The following MFHAS1 variants were observed in gnomAD, a reference collection of about 807,000 sequenced individuals.
MFHAS1 encodes malignant fibrous histiocytoma-amplified sequence 1.
MFHAS1 carries 50 observed loss-of-function variants against 70.4 expected under a neutral mutation model. The observed-to-expected ratio is 0.71, with a 90% CI of 0.57 to 0.90. MFHAS1 has a LOEUF of 0.90. MFHAS1 is among the 40% of genes least tolerant of loss of function. MFHAS1 has a pLI of 0.00. For synonymous variants in MFHAS1, 952 were observed against 620.0 expected, an observed-to-expected ratio of 1.54 and a Z score of -7.96; for missense variants, 1,795 against 1,347.6, an observed-to-expected ratio of 1.33 and a Z score of -5.20.
At chr8:8,818,908 A>G (rs991704376) in intron 1 of MFHAS1, among the ~76,000 whole-genome samples, 2 of 152,222 alleles carry the variant, frequency 1.3e-5, no homozygotes, top group African/African-American at 2.4e-5. Flanking sequence ...AAGGAAGTGT[A>G]TTATTTGTAG....
chr8:8,819,739 C>G (rs1348303950), intron 1 of MFHAS1, among the ~76,000 whole-genome samples: 1 of 152,102 alleles, frequency 6.6e-6, no homozygotes, highest in Non-Finnish European at 1.5e-5. Flanking sequence ...TTTTGAGTCA[C>G]CCAGGCTGGA....
At chr8:8,875,178 C>G (rs891050272) in intron 1 of MFHAS1, among the ~76,000 whole-genome samples, 1 of 152,114 alleles carries the variant, frequency 6.6e-6, no homozygotes, top group African/African-American at 2.4e-5. Context: ...GATTTAATGA[C>G]ATTTTTTGCC....
chr8:8,818,037 T>A (rs1806813222), intron 1 of MFHAS1, among the ~76,000 whole-genome samples: 2 of 152,086 alleles, frequency 1.3e-5, no homozygotes, highest in Admixed American at 6.6e-5. Context: ...CACCTATGCA[T>A]CCCATTATGG....
intron 1 of MFHAS1, among the ~76,000 whole-genome samples, chr8:8,811,622 G>A (rs895473652): frequency 2.6e-5 from 4 of 152,198 alleles, no homozygotes; most frequent in African/African-American, 9.7e-5. Flanking sequence ...TCCACCTGAC[G>A]CATACTAGCT....
intron 2 of MFHAS1, 32 bp from the exon 3 acceptor site, chr8:8,786,087 A>C (rs769014511): frequency 1.2e-6 from 2 of 1,605,346 alleles, no homozygotes; most frequent in Non-Finnish European, 1.7e-6. Context: ...AAGCACAGAG[A>C]TGACAAAAAC....
At chr8:8,798,650 T>C (rs1279840440) in intron 1 of MFHAS1, among the ~76,000 whole-genome samples, 1 of 152,064 alleles carries the variant, frequency 6.6e-6, no homozygotes, top group Non-Finnish European at 1.5e-5. Flanking sequence ...AGAAAGTCAA[T>C]TAACCAAATC....
Position 8,890,120 on chromosome 8 carries a change from A to G in MFHAS1, c.2939T>C (p.Val980Ala). 6.2e-7 allele frequency: 1 copy of G among 1,614,026 alleles called. No individual in the cohort carries two copies. The highest frequency in any genetic ancestry group is 8.5e-7 in the Non-Finnish European group (1 of 1,179,962). Residue 980 changes from valine (V) to alanine (A), a missense_variant, in exon 1 of 3, where the codon GTG (valine) becomes GCG (alanine). Coordinates refer to ENST00000276282, the MANE Select transcript of MFHAS1 (RefSeq NM_004225.3). ...LQEWPGLHYT[V>A]HILCSKCLKR... Reference sequence around the variant, plus strand: ...AAGGCACTTAGAACAGAGAATGTGCACGGTGTAGTGCAGTCCAGGCCATTC... The same window carrying G: ...AAGGCACTTAGAACAGAGAATGTGCGCGGTGTAGTGCAGTCCAGGCCATTC...
chr8:8,812,223 C>A (rs1002137916), intron 1 of MFHAS1, among the ~76,000 whole-genome samples: 44 of 152,182 alleles, frequency 2.9e-4, no homozygotes, highest in African/African-American at 1.0e-3. Flanking sequence ...AAATGGCTTC[C>A]TTTGAGGGGG....
At chr8:8,854,073 G>C (rs191923082) in intron 1 of MFHAS1, among the ~76,000 whole-genome samples, 1 of 152,120 alleles carries the variant, frequency 6.6e-6, no homozygotes, top group East Asian at 1.9e-4. Flanking sequence ...TGTAAGTCAT[G>C]GGCATTGTAT....
intron 1 of MFHAS1, among the ~76,000 whole-genome samples, chr8:8,829,441 G>A (rs552926304): frequency 3.3e-5 from 5 of 152,230 alleles, no homozygotes; most frequent in Non-Finnish European, 7.3e-5. Flanking sequence ...AGCACGTTGG[G>A]AGGCCTAGGT....
At chr8:8,857,532 G>C (rs553865523) in intron 1 of MFHAS1, among the ~76,000 whole-genome samples, 55 of 152,108 alleles carry the variant, frequency 3.6e-4, no homozygotes, top group Admixed American at 1.5e-3. Flanking sequence ...TCCCAGGCAG[G>C]TGGATCACAA....
intron 1 of MFHAS1, among the ~76,000 whole-genome samples, chr8:8,856,325 G>T (rs1808438300): frequency 1.3e-5 from 2 of 152,236 alleles, no homozygotes; most frequent in African/African-American, 4.8e-5. Context: ...ACTGGGGCAA[G>T]CATGACCTGC....
intron 1 of MFHAS1, among the ~76,000 whole-genome samples, chr8:8,817,592 TG>T (rs553614670): frequency 1.3e-5 from 2 of 152,206 alleles, no homozygotes; most frequent in Admixed American, 6.5e-5. Context: ...AGCCCGCAGA[TG>T]GGGGGGCTCT....
At chr8:8,805,839 A>C (rs1359414799) in intron 1 of MFHAS1, among the ~76,000 whole-genome samples, 1 of 152,088 alleles carries the variant, frequency 6.6e-6, no homozygotes, top group Non-Finnish European at 1.5e-5. Flanking sequence ...CTGGGATTAC[A>C]GGCGCGCACC....
intron 1 of MFHAS1, among the ~76,000 whole-genome samples, chr8:8,849,035 C>A: frequency 6.9e-6 from 1 of 144,900 alleles, no homozygotes; most frequent in African/African-American, 2.5e-5. Flanking sequence ...ATGCAAAGAA[C>A]AGCTCTGCAG....
intron 1 of MFHAS1, among the ~76,000 whole-genome samples, chr8:8,843,195 G>C (rs1002093366): frequency 6.6e-6 from 1 of 151,846 alleles, no homozygotes; most frequent in South Asian, 2.1e-4. Flanking sequence ...CGTGAACCCC[G>C]GAAGCGGAGC....
chr8:8,875,131 G>A (rs980895632), intron 1 of MFHAS1, among the ~76,000 whole-genome samples: 3 of 152,322 alleles, frequency 2.0e-5, no homozygotes, highest in Admixed American at 6.5e-5. Context: ...CATCTGACGT[G>A]CCCATCCTCA....
At chr8:8,794,955 G>A (rs569847496) in intron 2 of MFHAS1, among the ~76,000 whole-genome samples, 3 of 152,314 alleles carry the variant, frequency 2.0e-5, no homozygotes, top group African/African-American at 2.4e-5. Context: ...GGCAGTACAA[G>A]AAGCCCATGG....
At chr8:8,848,035 G>GA (rs1808098167) in intron 1 of MFHAS1, among the ~76,000 whole-genome samples, 1 of 152,172 alleles carries the variant, frequency 6.6e-6, no homozygotes, top group South Asian at 2.1e-4. Context: ...TAAAAGGTGA[G>GA]AAAAAACAAA....
Sources: gnomAD v4.1 joint callset for allele counts (sites outside exome capture counted in the v4.1 genomes callset) on GRCh38, gnomAD v4.1.1 for gene constraint, MANE v1.5 for transcripts, NCBI Gene and HGNC (gene_info 2026-07-23, HGNC 2026-07-21) for gene names.